The following SNX29 variants were observed in gnomAD, a reference collection of about 807,000 sequenced individuals.
SNX29 encodes the protein sorting nexin-29.
A neutral mutation model predicts 102.1 loss-of-function variants in SNX29; 78 were observed. That is an observed-to-expected ratio of 0.76 (90% CI 0.64 to 0.92). The LOEUF (loss-of-function observed/expected upper bound fraction) is 0.92. Among genes scored for constraint, SNX29 ranks in the 40% least tolerant of loss-of-function variants. The pLI is 0.00. For synonymous variants in SNX29, 580 were observed against 414.5 expected (o/e 1.40, Z -4.85); for missense variants, 1,280 against 1,061.7 (o/e 1.21, Z -2.86).
chr16:12,282,514 A>G (rs1408422703), intron 15 of SNX29, among the ~76,000 whole-genome samples: 1 of 152,190 alleles, frequency 6.6e-6, no homozygotes, highest in Non-Finnish European at 1.5e-5. Flanking sequence ...TCCAGCATAT[A>G]GTAGGAGAAA....
chr16:12,024,734 G>T (rs1487689200), intron 3 of SNX29, among the ~76,000 whole-genome samples: 1 of 152,142 alleles, frequency 6.6e-6, no homozygotes, highest in Non-Finnish European at 1.5e-5. Flanking sequence ...AGAGCTGGCT[G>T]GGCAGTTATT....
At chr16:12,308,126 G>A (rs1176375629) in intron 15 of SNX29, among the ~76,000 whole-genome samples, 1 of 152,236 alleles carries the variant, frequency 6.6e-6, no homozygotes, top group African/African-American at 2.4e-5. Context: ...TGCTGAAGGT[G>A]ATGCATGGTC....
intron 19 of SNX29, among the ~76,000 whole-genome samples, chr16:12,507,418 A>C (rs117694796): frequency 6.6e-6 from 1 of 152,138 alleles, no homozygotes; most frequent in Admixed American, 6.5e-5. Flanking sequence ...ACCCTCCCCA[A>C]TTCCGTTTTC....
Position 12,046,428 on chromosome 16 carries a change from C to A in SNX29, c.473C>A (p.Ser158Tyr), listed in dbSNP as rs2050093984. 6.2e-7 allele frequency: 1 copy of A among 1,613,732 alleles called. No homozygotes were observed. Among genetic ancestry groups the A allele is most frequent in the African/African-American group, 1.3e-5 (1 of 74,916 alleles). Reference sequence around the variant, plus strand: ...TCTTTTGTGATGGATGAAGAAAGGTCCAGTATGCTTCCTACCATGGCAGCA... The same window carrying A: ...TCTTTTGTGATGGATGAAGAAAGGTACAGTATGCTTCCTACCATGGCAGCA... The part of the protein sequence containing the change: ...DWSFVMDEER[S>Y]SMLPTMAAGL... Residue 158 changes from serine to tyrosine, a missense_variant, in exon 6 of 21, where the codon TCC becomes TAC. Coordinates refer to ENST00000566228, the MANE Select transcript of SNX29 (RefSeq NM_032167.5).
At chr16:12,318,593 C>G (rs541681899) in intron 15 of SNX29, among the ~76,000 whole-genome samples, 26 of 152,280 alleles carry the variant, frequency 1.7e-4, no homozygotes, top group Admixed American at 7.2e-4. Context: ...GGGCTCCTGG[C>G]TGGACGCGGT....
At chr16:12,548,053 G>A (rs2077720513) in intron 20 of SNX29, among the ~76,000 whole-genome samples, 1 of 152,142 alleles carries the variant, frequency 6.6e-6, no homozygotes, top group Non-Finnish European at 1.5e-5. Flanking sequence ...CACCACCCCT[G>A]GCACACACAC....
At chr16:12,171,338 G>A (rs1297561768) in intron 13 of SNX29, among the ~76,000 whole-genome samples, 1 of 152,086 alleles carries the variant, frequency 6.6e-6, no homozygotes, top group Non-Finnish European at 1.5e-5. Flanking sequence ...TTTGAAGGGA[G>A]GGAGGGAGAA....
chr16:12,231,083 C>T (rs968780139), intron 14 of SNX29, among the ~76,000 whole-genome samples: 3 of 152,090 alleles, frequency 2.0e-5, no homozygotes, highest in Non-Finnish European at 4.4e-5. Context: ...GAACTCCTGA[C>T]CTAAGGTGAT....
intron 19 of SNX29, among the ~76,000 whole-genome samples, chr16:12,482,261 C>T (rs972726550): frequency 6.6e-6 from 1 of 152,140 alleles, no homozygotes. Flanking sequence ...TAATTTCTTT[C>T]TCCTTTTCCT....
chr16:12,454,174 C>G (rs899836065), intron 18 of SNX29, among the ~76,000 whole-genome samples: 1 of 152,066 alleles, frequency 6.6e-6, no homozygotes, highest in Non-Finnish European at 1.5e-5. Context: ...CTTCTTGTTG[C>G]CTAGAATTGA....
chr16:12,154,333 C>A (rs1038789322), intron 13 of SNX29, among the ~76,000 whole-genome samples: 1 of 145,150 alleles, frequency 6.9e-6, no homozygotes, highest in Non-Finnish European at 1.5e-5. Context: ...GGCAGGCTGT[C>A]CCCCGTTCTG....
chr16:12,553,300 G>T (rs1214221104), intron 20 of SNX29, among the ~76,000 whole-genome samples: 1 of 152,198 alleles, frequency 6.6e-6, no homozygotes, highest in Non-Finnish European at 1.5e-5. Flanking sequence ...AAATGAGTGG[G>T]CACCTGGCCC....
intron 15 of SNX29, among the ~76,000 whole-genome samples, chr16:12,345,207 G>A (rs770583625): frequency 1.3e-5 from 2 of 152,198 alleles, no homozygotes; most frequent in Non-Finnish European, 2.9e-5. Flanking sequence ...ATTACCATCT[G>A]CAGAAGTGCA....
intron 15 of SNX29, among the ~76,000 whole-genome samples, chr16:12,301,934 G>A (rs939397804): frequency 3.3e-5 from 5 of 152,162 alleles, no homozygotes; most frequent in African/African-American, 7.2e-5. Context: ...GCGGCTGCTG[G>A]TCCTCATCCC....
chr16:12,505,731 A>G (rs1435260576), intron 19 of SNX29, among the ~76,000 whole-genome samples: 4 of 141,214 alleles, frequency 2.8e-5, no homozygotes, highest in Admixed American at 7.5e-5. Context: ...CTTAGTTTTT[A>G]TATGAATTTT....
rs556233246 is a variant in SNX29 at position 12,304,371 on chromosome 16, C to A, written c.1782+26335C>A. Among the ~76,000 whole-genome samples the A allele has an allele frequency of 2.9e-4, 44 of 152,334 alleles. 1 individual carries two copies. In the Middle Eastern group the frequency reaches 0.01, roughly 35 times the overall value. ...CACTGCAGCCTCTGCCTCCCAGGTT[C>A]AAGCGATTCTCCTGCCTTAGCCTCC... On this transcript the variant is annotated intron_variant, in intron 15 of 20. Coordinates refer to ENST00000566228, the MANE Select transcript of SNX29 (RefSeq NM_032167.5).
At chr16:12,217,555 C>G (rs1047797231) in intron 14 of SNX29, among the ~76,000 whole-genome samples, 9 of 152,152 alleles carry the variant, frequency 5.9e-5, no homozygotes, top group African/African-American at 2.2e-4. Context: ...GTCTGCCACC[C>G]GTAGGTGAGG....
intron 1 of SNX29, chr16:11,977,143 TCA>T: frequency 3.1e-6 from 1 of 319,264 alleles, no homozygotes; most frequent in African/African-American, 2.2e-5. Flanking sequence ...CTCCCAGGTC[TCA>T]GTCTCTCCTA....
At chr16:12,535,723 A>G (rs965973062) in intron 20 of SNX29, among the ~76,000 whole-genome samples, 1 of 152,084 alleles carries the variant, frequency 6.6e-6, no homozygotes, top group Non-Finnish European at 1.5e-5. Context: ...CTTGTAAACA[A>G]AGCCAGGCTT....
Sources: allele counts gnomAD v4.1 joint callset (sites outside exome capture counted in the v4.1 genomes callset), GRCh38; gene constraint gnomAD v4.1.1; transcripts MANE v1.5; gene names NCBI Gene and HGNC (gene_info 2026-07-23, HGNC 2026-07-21).